MEGF8: variants seen among roughly 807,000 people sequenced by gnomAD.
The protein encoded by MEGF8 is multiple EGF like domains 8.
MEGF8 carries 156 observed loss-of-function variants against 302.9 expected under a neutral mutation model. The observed-to-expected ratio is 0.52, with a 90% CI of 0.45 to 0.59. The LOEUF (loss-of-function observed/expected upper bound fraction) is 0.59. MEGF8 is among the 20% of genes least tolerant of loss of function. The pLI is 0.00. For synonymous variants in MEGF8, 1,621 were observed against 1,660.5 expected (o/e 0.98, Z 0.58); for missense variants, 3,345 against 3,964.5 (o/e 0.84, Z 4.20).
chr19:42,361,992 G>C, intron 32 of MEGF8, 98 bp from the exon 33 acceptor site: 1 of 1,525,316 alleles, frequency 6.6e-7, no homozygotes, highest in Non-Finnish European at 8.8e-7. Context: ...GCTATGTCCA[G>C]CTTGGGATGC....
chr19:42,354,115 G>T lies in MEGF8; in HGVS notation c.4011+91G>T. 7.3e-7 allele frequency: 1 copy of T among 1,378,028 alleles called. No homozygotes were observed. The highest frequency in any genetic ancestry group is 9.6e-7 in the Non-Finnish European group (1 of 1,046,260). The allele number at this position is 1,378,028 out of a possible 1,614,324, so 85.4% of individuals were successfully genotyped here. On this transcript the variant is annotated intron_variant, in intron 22 of 41. Transcript: ENST00000251268. This position sits in a 1 kb window ranked among gnomAD's most constrained non-coding sequence, Gnocchi z 4.3. Reference sequence around the variant, plus strand: ...ATCCTCAGACCCTGACCCTAGTATTGCTGTTTTTTTTTTTTTGTTTTTTTA... The same window carrying T: ...ATCCTCAGACCCTGACCCTAGTATTTCTGTTTTTTTTTTTTTGTTTTTTTA...
At chr19:42,360,744 C>T in intron 31 of MEGF8, 31 bp from the exon 32 acceptor site, 1 of 1,553,124 alleles carries the variant, frequency 6.4e-7, no homozygotes, top group Non-Finnish European at 8.7e-7. Flanking sequence ...CTCCTGCTCT[C>T]TATCTGTCTG....
In MEGF8 at chr19:42,352,911, C is replaced by A. The variant is rs757467959; in HGVS notation, c.3351-17C>A. ...GGCCTGCCTGGCGCTTTCCCCACCC[C>A]CAACACGGCCCCTCAGGTGCTTGGA... On this transcript the variant is annotated splice_polypyrimidine_tract_variant and intron_variant, in intron 19 of 41. Transcript: ENST00000251268. The surrounding 1 kb of genome is among the most constrained non-coding windows in gnomAD (Gnocchi z 4.4). 5 of 1,570,084 alleles carry A rather than the reference C, an allele frequency of 3.2e-6. No individual in the cohort carries two copies. The highest frequency in any genetic ancestry group is 4.3e-6 in the Non-Finnish European group (5 of 1,157,352).
At chr19:42,367,648 C>T (rs1302063597) in intron 35 of MEGF8, among the ~76,000 whole-genome samples, 1 of 152,114 alleles carries the variant, frequency 6.6e-6, no homozygotes, top group African/African-American at 2.4e-5. Context: ...TGTTCCTTTA[C>T]CTGGAAGAAA....
Position 42,351,436 on chromosome 19 carries a change from A to G in MEGF8, c.2863A>G (p.Thr955Ala). 6.3e-7 allele frequency: 1 copy of G among 1,595,538 alleles called. No homozygotes were observed. Among genetic ancestry groups the G allele is most frequent in the Non-Finnish European group, 8.5e-7 (1 of 1,171,648 alleles). The change falls in exon 17 of 42, where the codon ACC becomes GCC. Residue 955 changes from threonine (T) to alanine (A), a missense_variant. Thr to Ala is a moderately conservative substitution (Grantham distance 58, BLOSUM62 0). Coordinates refer to ENST00000251268, the MANE Select transcript of MEGF8 (RefSeq NM_001271938.2). The surrounding 1 kb of genome is among the most constrained non-coding windows in gnomAD (Gnocchi z 5.6). ...ECPPLCSQRL[T>A]CEDCLANSSQ... ...CCCTGCTCCCCACCCCAGGCGACTGACCTGTGAGGACTGCCTGGCCAACTC... is the reference window on the plus strand; with the variant it reads ...CCCTGCTCCCCACCCCAGGCGACTGGCCTGTGAGGACTGCCTGGCCAACTC...
At chr19:42,347,703 G>C (rs1219390970) in intron 12 of MEGF8, among the ~76,000 whole-genome samples, 1 of 151,998 alleles carries the variant, frequency 6.6e-6, no homozygotes, top group Non-Finnish European at 1.5e-5. Flanking sequence ...TGTTGGTCAG[G>C]CTGGTCTTGA....
At position 42,376,406 on chromosome 19, in the gene MEGF8, C is replaced by A; in HGVS notation, c.8169C>A (p.Pro2723=). 1.2e-6 allele frequency: 2 copies of A among 1,612,694 alleles called. No homozygotes were observed. Among genetic ancestry groups the A allele is most frequent in the South Asian group, 2.2e-5 (2 of 91,054 alleles). The part of the protein sequence containing the change: ...SAWKPAGLPP[P]AFRRSEPFLA... The stretch of plus-strand genomic sequence containing the variant: ...GGAAGCCGGCTGGGCTCCCACCTCC[C>A]GCCTTCCGCCGCTCTGAGCCCTTCC... Residue 2723 remains proline, a synonymous_variant, in exon 42 of 42, where the codon CCC becomes CCA. Coordinates refer to ENST00000251268, the MANE Select transcript of MEGF8 (RefSeq NM_001271938.2). This position sits in a 1 kb window ranked among gnomAD's most constrained non-coding sequence, Gnocchi z 8.2.
At position 42,375,346 on chromosome 19, in the gene MEGF8, G is replaced by T. The variant is rs3745236; in HGVS notation, c.7270-161G>T. Among the ~76,000 whole-genome samples the T allele has an allele frequency of 2.6e-3, 392 of 152,332 alleles. 14 individuals are homozygous for T. The East Asian group carries it at 0.071, about 28-fold the overall frequency. On this transcript the variant is annotated intron_variant, in intron 41 of 41. Coordinates refer to ENST00000251268, the MANE Select transcript of MEGF8 (RefSeq NM_001271938.2). This position sits in a 1 kb window ranked among gnomAD's most constrained non-coding sequence, Gnocchi z 7.1. ...CTGGCAAGGTCTACACTGTGGCAGA[G>T]AAGGTCCGGGGGGTCACAGGGAAGT...
chr19:42,362,443 C>T lies in MEGF8; in HGVS notation c.5904C>T (p.Arg1968=). ...TNCPEGACIG[R]NGSCTSENDC... is the part of the protein sequence containing the mutation. ...GCCCCGAAGGTGCTTGCATTGGACG[C>T]AATGGGTCCTGCACCTCTGAGAATG... The change falls in exon 34 of 42, where the codon CGC becomes CGT. Residue 1968 remains arginine (R), a synonymous_variant. Coordinates refer to ENST00000251268, the MANE Select transcript of MEGF8 (RefSeq NM_001271938.2). 1 of 1,614,018 alleles carries T rather than the reference C, an allele frequency of 6.2e-7. No individual in the cohort carries two copies. The highest frequency in any genetic ancestry group is 8.5e-7 in the Non-Finnish European group (1 of 1,179,884).
intron 1 of MEGF8, among the ~76,000 whole-genome samples, chr19:42,329,950 T>C (rs972993988): frequency 2.0e-5 from 3 of 151,268 alleles, no homozygotes; most frequent in Non-Finnish European, 1.5e-5. Context: ...AGTCCTAGAC[T>C]TTTTTTTTCC....
chr19:42,367,990 T>A (rs914405907), intron 35 of MEGF8, among the ~76,000 whole-genome samples: 2 of 152,168 alleles, frequency 1.3e-5, no homozygotes, highest in African/African-American at 4.8e-5. Flanking sequence ...GGTGCAGTCA[T>A]GACTCATTGC....
In MEGF8 at chr19:42,369,854, C is replaced by T. The variant is rs1191557844; in HGVS notation, c.6834+131C>T. 2 of 1,092,982 alleles carry T rather than the reference C, an allele frequency of 1.8e-6. No individual in the cohort carries two copies. Among genetic ancestry groups the T allele is most frequent in the Admixed American group, 2.6e-5 (1 of 38,758 alleles). 67.7% of individuals were successfully genotyped at this position (1,092,982 alleles called of 1,614,324 possible). A position where few individuals can be genotyped will look rare whatever the true frequency, so the allele number is the denominator to read the frequency against. ...AGGGACAGATAAGCCAGAGCCCTGT[C>T]CCAGGGAGATGTGTGGAGACTTGGG... On this transcript the variant is annotated intron_variant, in intron 38 of 41. Transcript: ENST00000251268. This position sits in a 1 kb window ranked among gnomAD's most constrained non-coding sequence, Gnocchi z 5.7.
Position 42,354,656 on chromosome 19 carries a change from C to T in MEGF8, c.4080C>T (p.Arg1360=). Residue 1360 remains arginine (R), a synonymous_variant, in exon 23 of 42, where the codon CGC becomes CGT. Transcript: ENST00000251268. This position sits in a 1 kb window ranked among gnomAD's most constrained non-coding sequence, Gnocchi z 4.3. ...FLDTGVVQSD[R]SLIAAFCGQR... is the part of the protein sequence containing the mutation. The stretch of plus-strand genomic sequence containing the variant: ...ACACTGGTGTTGTCCAGTCGGACCG[C>T]AGCCTCATAGCTGCCTTCTGCGGCC... The T allele has an allele frequency of 6.2e-7, 1 of 1,612,628 alleles. No individual in the cohort carries two copies. Among genetic ancestry groups the T allele is most frequent in the Non-Finnish European group, 8.5e-7 (1 of 1,179,830 alleles).
intron 31 of MEGF8, among the ~76,000 whole-genome samples, chr19:42,360,495 A>G (rs1229980350): frequency 2.0e-5 from 3 of 151,614 alleles, no homozygotes; most frequent in Non-Finnish European, 4.4e-5. Context: ...ACAGGTGCGC[A>G]CCACCATGCC....
chr19:42,369,788 C>T lies in MEGF8; in HGVS notation c.6834+65C>T, dbSNP rs548134091. On this transcript the variant is annotated intron_variant, in intron 38 of 41. Coordinates refer to ENST00000251268, the MANE Select transcript of MEGF8 (RefSeq NM_001271938.2). This position sits in a 1 kb window ranked among gnomAD's most constrained non-coding sequence, Gnocchi z 5.7. ...CAGGCCCTCACTTGCCTTCATCCCA[C>T]GCTCAGGCGGCTCGCATCTCATCCT... The T allele has an allele frequency of 4.0e-4, 595 of 1,487,320 alleles. 1 individual carries two copies. The highest frequency in any genetic ancestry group is 1.8e-3 in the Middle Eastern group (8 of 4,508). 92.1% of individuals were successfully genotyped at this position (1,487,320 alleles called of 1,614,324 possible).
intron 40 of MEGF8, among the ~76,000 whole-genome samples, chr19:42,371,044 G>A (rs546140868): frequency 2.0e-5 from 3 of 151,878 alleles, no homozygotes; most frequent in South Asian, 4.2e-4. Context: ...GGCTAGTGCT[G>A]AAGTGCAGTC....
Position 42,354,742 on chromosome 19 carries a change from G to T in MEGF8, c.4144+22G>T, listed in dbSNP as rs2039427175. ...TCTGGTACGGGGGCTAGGGGAAGTG[G>T]GACCTCTTAGTCCTGGGCTATGTAT... is the stretch of plus-strand genomic sequence containing the variant. On this transcript the variant is annotated intron_variant, in intron 23 of 41. Transcript: ENST00000251268. This position sits in a 1 kb window ranked among gnomAD's most constrained non-coding sequence, Gnocchi z 4.3. 1.9e-6 allele frequency: 3 copies of T among 1,587,004 alleles called. No individual in the cohort carries two copies. The highest frequency in any genetic ancestry group is 8.6e-7 in the Non-Finnish European group (1 of 1,168,534).
Position 42,370,253 on chromosome 19 carries a change from G to A in MEGF8, c.6899G>A (p.Arg2300Gln), listed in dbSNP as rs769253504. The A allele has an allele frequency of 9.9e-6, 16 of 1,613,744 alleles. 1 individual carries two copies. The highest frequency in any genetic ancestry group is 8.8e-5 in the South Asian group (8 of 91,078). ...VGSAVGGGTC[R>Q]PCHAFCRGNS... ...TCAGCTGTCGGAGGCGGGACCTGCC[G>A]GCCCTGCCACGCCTTTTGTCGTGGA... The change falls in exon 39 of 42, where the codon CGG becomes CAG. Residue 2300 changes from arginine to glutamine, a missense_variant. By Grantham distance (43) the Arg-to-Gln change is conservative. Transcript: ENST00000251268.
chr19:42,331,123 G>A (rs1188156856), intron 1 of MEGF8, among the ~76,000 whole-genome samples: 2 of 152,200 alleles, frequency 1.3e-5, no homozygotes, highest in Admixed American at 1.3e-4. Context: ...GGCAGCCAGG[G>A]CACACTCTGG....
Sources: allele counts gnomAD v4.1 joint callset (sites outside exome capture counted in the v4.1 genomes callset), GRCh38; gene constraint gnomAD v4.1.1; non-coding constraint Gnocchi (gnomAD v3.1); transcripts MANE v1.5; gene names NCBI Gene and HGNC (gene_info 2026-07-23, HGNC 2026-07-21).